Variants in IFT46 observed in about 807,000 individuals in gnomAD.
IFT46 encodes intraflagellar transport protein 46 homolog.
In IFT46, 19 loss-of-function variants were observed where a neutral mutation model predicts 39.6. The observed-to-expected ratio is 0.48, with a 90% CI of 0.33 to 0.70. The LOEUF (loss-of-function observed/expected upper bound fraction) is 0.70, where lower values mean the gene tolerates loss of function less well. Among genes scored for constraint, IFT46 ranks in the 30% least tolerant of loss-of-function variants. The pLI is 0.01. For synonymous variants in IFT46, 117 were observed against 134.8 expected (o/e 0.87, Z 0.91); for missense variants, 334 against 364.8 (o/e 0.92, Z 0.69).
intron 9 of IFT46, among the ~76,000 whole-genome samples, chr11:118,549,382 G>A (rs1297246779): frequency 1.3e-5 from 2 of 151,646 alleles, no homozygotes; most frequent in Non-Finnish European, 2.9e-5. Flanking sequence ...CTCTTTGCTT[G>A]GACAGTAATT....
At chr11:118,576,440 A>AC (rs1361546151), upstream of IFT46, among the ~76,000 whole-genome samples, 304 of 147,196 alleles carry the variant, frequency 2.1e-3, 2 homozygotes, top group South Asian at 4.0e-3. Flanking sequence ...AAAAAAAAAA[A>AC]AAAAAAAAAC....
Position 118,544,767 on chromosome 11 carries a change from C to T in IFT46, c.*149G>A. On this transcript the variant is annotated 3_prime_UTR_variant, in exon 12 of 12. Coordinates refer to ENST00000264021, the MANE Select transcript of IFT46 (RefSeq NM_001168618.2). The stretch of plus-strand genomic sequence containing the variant: ...GTTCATTAAACAAACATGTTCTGTG[C>T]CCTCTGGCAGAGAGGGCAGCAGGAC... The T allele has an allele frequency of 1.6e-6, 1 of 628,404 alleles. No homozygotes were observed. The highest frequency in any genetic ancestry group is 2.9e-6 in the Non-Finnish European group (1 of 348,902). The allele number at this position is 628,404 out of a possible 1,614,324, so 38.9% of individuals were successfully genotyped here. A position where few individuals can be genotyped will look rare whatever the true frequency, so the allele number is the denominator to read the frequency against.
At chr11:118,570,980 A>G (rs187664191), upstream of IFT46, among the ~76,000 whole-genome samples, 1 of 152,204 alleles carries the variant, frequency 6.6e-6, no homozygotes, top group East Asian at 1.9e-4. Flanking sequence ...GTCTCAAGCC[A>G]TCCTCCCAAC....
chr11:118,545,002 C>A lies in IFT46; in HGVS notation c.829G>T (p.Ala277Ser). 6.2e-7 allele frequency: 1 copy of A among 1,610,046 alleles called. No homozygotes were observed. The highest frequency in any genetic ancestry group is 8.5e-7 in the Non-Finnish European group (1 of 1,177,162). The change falls in exon 12 of 12, where the codon GCT becomes TCT. Residue 277 changes from alanine (A) to serine (S), a missense_variant. By Grantham distance (99) the Ala-to-Ser change is moderately conservative. Transcript: ENST00000264021. ...AATGCTTTCTTGCCTTCAGCGAGAG[C>A]TTTAAAATGCTGCAAGGAAGAGGAG... ...SEFKNSQHFK[A>S]LAEGKKAFTP...
chr11:118,562,099 A>T (rs896723677), intron 2 of IFT46, among the ~76,000 whole-genome samples: 1 of 152,084 alleles, frequency 6.6e-6, no homozygotes, highest in Non-Finnish European at 1.5e-5. Context: ...ACATGGTGAA[A>T]CCCCGTCTCT....
chr11:118,549,461 T>A (rs1305907023), intron 9 of IFT46, among the ~76,000 whole-genome samples: 7 of 152,058 alleles, frequency 4.6e-5, no homozygotes, highest in Admixed American at 4.6e-4. Flanking sequence ...TTGTTTATGG[T>A]ATCTATTGGT....
intron 4 of IFT46, 29 bp downstream of exon 4, chr11:118,556,877 C>A: frequency 6.6e-7 from 1 of 1,516,176 alleles, no homozygotes. Context: ...TTCTGAAGAG[C>A]ACCCTTGGCT....
intron 1 of IFT46, chr11:118,572,298 T>G: frequency 2.0e-6 from 1 of 506,642 alleles, no homozygotes; most frequent in East Asian, 3.1e-5. Context: ...CTCCTGGGCT[T>G]AATCGTAACC....
chr11:118,545,911 A>T lies in IFT46; in HGVS notation c.673-58T>A, dbSNP rs1194853292. 6.9e-6 allele frequency: 10 copies of T among 1,441,020 alleles called. No individual in the cohort carries two copies. The African/African-American group carries it at 1.1e-4, about 16-fold the overall frequency. The allele number at this position is 1,441,020 out of a possible 1,614,324, so 89.3% of individuals were successfully genotyped here. ...GGATGGTGTCAGTGGTCCCAGAACC[A>T]CTCTCTCTCTCTGAAGCAAAAGAGC... On this transcript the variant is annotated intron_variant, in intron 9 of 11. Coordinates refer to ENST00000264021, the MANE Select transcript of IFT46 (RefSeq NM_001168618.2).
intron 1 of IFT46, among the ~76,000 whole-genome samples, chr11:118,571,688 T>C (rs1253030890): frequency 6.6e-6 from 1 of 152,254 alleles, no homozygotes; most frequent in Non-Finnish European, 1.5e-5. Flanking sequence ...CACATATCTA[T>C]TCAAATCTTT....
At chr11:118,575,411 G>GGTGTGTGTGTGT (rs56934953), upstream of IFT46, among the ~76,000 whole-genome samples, 337 of 149,184 alleles carry the variant, frequency 2.3e-3, 3 homozygotes, top group African/African-American at 6.4e-3. Context: ...ACTGATAACG[G>GGTGTGTGTGTGT]GTGTGTGTGT....
chr11:118,560,042 A>C lies in IFT46; in HGVS notation c.-35-178T>G, dbSNP rs1363898801. On this transcript the variant is annotated intron_variant, in intron 2 of 11. Coordinates refer to ENST00000264021, the MANE Select transcript of IFT46 (RefSeq NM_001168618.2). ...TGGCTCTGCCAGTTCAATTCAAGAT[A>C]TATTTACTAAACATTACTGTGCTTA... The C allele has an allele frequency of 8.4e-6, 5 of 594,126 alleles. No individual in the cohort carries two copies. The East Asian group carries it at 1.1e-4, about 14-fold the overall frequency. 36.8% of individuals were successfully genotyped at this position (594,126 alleles called of 1,614,324 possible). A position where few individuals can be genotyped will look rare whatever the true frequency, so the allele number is the denominator to read the frequency against.
chr11:118,560,928 A>G, intron 2 of IFT46: 1 of 1,116,564 alleles, frequency 9.0e-7, no homozygotes. Flanking sequence ...GCATATGCAC[A>G]CAAACTGCCA....
intron 2 of IFT46, among the ~76,000 whole-genome samples, chr11:118,563,301 T>G (rs1309168732): frequency 6.6e-6 from 1 of 152,172 alleles, no homozygotes; most frequent in Non-Finnish European, 1.5e-5. Context: ...AGGGAACTAT[T>G]GTTTTGAAGG....
At chr11:118,546,424 G>A (rs1330777173) in intron 9 of IFT46, 9 of 427,506 alleles carry the variant, frequency 2.1e-5, no homozygotes, top group South Asian at 2.7e-5. Flanking sequence ...CCAGCAGGTT[G>A]AGGCTGCAGT....
In IFT46 at chr11:118,564,518, C is replaced by T. The variant is rs76648341; in HGVS notation, c.-36+447G>A. On this transcript the variant is annotated intron_variant, in intron 2 of 11. Coordinates refer to ENST00000264021, the MANE Select transcript of IFT46 (RefSeq NM_001168618.2). ...TTGAGGCTAGGAGTTCAAGATCAGC[C>T]TTGGTAACATAGCGAGGCCTCGTCT... is the stretch of plus-strand genomic sequence containing the variant. 7.9e-3 allele frequency among the ~76,000 whole-genome samples: 1,206 copies of T among 152,088 alleles called. 14 individuals are homozygous for T. Among genetic ancestry groups the T allele is most frequent in the African/African-American group, 0.024 (976 of 41,490 alleles).
At chr11:118,558,207 A>G (rs1443317258) in intron 3 of IFT46, among the ~76,000 whole-genome samples, 2 of 152,248 alleles carry the variant, frequency 1.3e-5, no homozygotes, top group Non-Finnish European at 2.9e-5. Context: ...TTAGTATATG[A>G]CTGATAAGAA....
chr11:118,575,336 G>T (rs965698834), upstream of IFT46, among the ~76,000 whole-genome samples: 1 of 151,992 alleles, frequency 6.6e-6, no homozygotes, highest in African/African-American at 2.4e-5. Flanking sequence ...GAAAGAAAAT[G>T]ATTCTCTTGA....
chr11:118,571,222 CT>C (rs1938329407), intron 1 of IFT46, among the ~76,000 whole-genome samples: 2 of 152,134 alleles, frequency 1.3e-5, no homozygotes, highest in South Asian at 4.2e-4. Flanking sequence ...TTGTATCCGT[CT>C]TTTTTCACAT....
Sources: allele counts gnomAD v4.1 joint callset (sites outside exome capture counted in the v4.1 genomes callset), GRCh38; gene constraint gnomAD v4.1.1; transcripts MANE v1.5; gene names NCBI Gene and HGNC (gene_info 2026-07-23, HGNC 2026-07-21).